Variants in MAGI2 observed in about 807,000 individuals in gnomAD.
The protein encoded by MAGI2 is membrane-associated guanylate kinase, WW and PDZ domain-containing protein 2.
MAGI2 carries 35 observed loss-of-function variants against 133.3 expected under a neutral mutation model. That is an observed-to-expected ratio of 0.26 (90% CI 0.20 to 0.35). MAGI2 has a LOEUF of 0.35. Ranked by LOEUF, MAGI2 falls within the 10% of genes least tolerant of loss-of-function variation. MAGI2 has a pLI of 1.00. For missense variants in MAGI2, 1,636 were observed against 1,863.4 expected (o/e 0.88, Z 2.25); for synonymous variants, 729 against 710.6 (o/e 1.03, Z -0.41).
intron 6 of MAGI2, among the ~76,000 whole-genome samples, chr7:78,467,355 C>G (rs544032715): frequency 1.3e-5 from 2 of 152,132 alleles, no homozygotes; most frequent in Admixed American, 1.3e-4. Context: ...CTGGTGAAAA[C>G]AGAGGCAAGG....
At chr7:79,423,946 C>T (rs999644103) in intron 1 of MAGI2, among the ~76,000 whole-genome samples, 2 of 152,086 alleles carry the variant, frequency 1.3e-5, no homozygotes, top group Admixed American at 1.3e-4. Context: ...GTTCATGTAA[C>T]TTTCACCATG....
Position 79,453,066 on chromosome 7 carries a change from C to T in MAGI2, c.255G>A (p.Val85=). Residue 85 remains valine, a synonymous_variant, in exon 1 of 22, where the codon GTG becomes GTA. Transcript: ENST00000354212. ...AGLTIRDVLA[V]IKHCKDPLRL... ...GGAGGGGGTCCTTGCAGTGTTTGATCACGGCCAGCACGTCCCTGATGGTGA... is the reference window on the plus strand; with the variant it reads ...GGAGGGGGTCCTTGCAGTGTTTGATTACGGCCAGCACGTCCCTGATGGTGA... 1 of 1,611,592 alleles carries T rather than the reference C, an allele frequency of 6.2e-7. No individual in the cohort carries two copies. Among genetic ancestry groups the T allele is most frequent in the Non-Finnish European group, 8.5e-7 (1 of 1,178,938 alleles).
At chr7:78,638,508 C>T (rs185183550) in intron 2 of MAGI2, among the ~76,000 whole-genome samples, 36 of 152,310 alleles carry the variant, frequency 2.4e-4, no homozygotes, top group Admixed American at 2.2e-3. Context: ...ATTCACAGTA[C>T]AGAATTATTC....
intron 2 of MAGI2, among the ~76,000 whole-genome samples, chr7:78,959,820 T>C (rs193203174): frequency 6.6e-6 from 1 of 152,270 alleles, no homozygotes; most frequent in African/African-American, 2.4e-5. Context: ...TCATGTATCA[T>C]GGGCACCGGC....
At chr7:78,407,662 T>C (rs1797510030) in intron 6 of MAGI2, among the ~76,000 whole-genome samples, 1 of 151,844 alleles carries the variant, frequency 6.6e-6, no homozygotes, top group African/African-American at 2.4e-5. Flanking sequence ...TACTTTTTTT[T>C]TTTTTTTAAA....
intron 1 of MAGI2, among the ~76,000 whole-genome samples, chr7:79,329,111 AACAT>A (rs1165851288): frequency 6.6e-6 from 1 of 152,220 alleles, no homozygotes; most frequent in Admixed American, 6.5e-5. Flanking sequence ...TTCTCCTTCC[AACAT>A]ACTACATAGT....
At chr7:78,633,796 T>TA (rs2150971095) in intron 2 of MAGI2, among the ~76,000 whole-genome samples, 2 of 152,100 alleles carry the variant, frequency 1.3e-5, no homozygotes, top group South Asian at 4.2e-4. Flanking sequence ...TGAGGACATC[T>TA]ACATTCCATT....
intron 5 of MAGI2, among the ~76,000 whole-genome samples, chr7:78,494,852 C>A (rs1263440031): frequency 6.6e-6 from 1 of 152,164 alleles, no homozygotes; most frequent in African/African-American, 2.4e-5. Context: ...AATTCTGAAT[C>A]TCAATCTTAA....
At chr7:79,017,574 C>T (rs1448632089) in intron 1 of MAGI2, among the ~76,000 whole-genome samples, 1 of 152,180 alleles carries the variant, frequency 6.6e-6, no homozygotes, top group Non-Finnish European at 1.5e-5. Flanking sequence ...GCAACAGTTC[C>T]TAACTAGGCT....
chr7:78,932,686 G>T (rs1014214766), intron 2 of MAGI2, among the ~76,000 whole-genome samples: 1 of 151,994 alleles, frequency 6.6e-6, no homozygotes, highest in African/African-American at 2.4e-5. Context: ...TAATAGGATG[G>T]CTGCAGAAAT....
At chr7:79,143,694 T>C (rs1822345787) in intron 1 of MAGI2, among the ~76,000 whole-genome samples, 1 of 152,196 alleles carries the variant, frequency 6.6e-6, no homozygotes. Flanking sequence ...AGAACAAATG[T>C]GAGCTTCTAT....
At chr7:78,240,893 CACAT>C (rs936138208) in intron 10 of MAGI2, among the ~76,000 whole-genome samples, 1 of 144,608 alleles carries the variant, frequency 6.9e-6, no homozygotes, top group Admixed American at 6.8e-5. Flanking sequence ...ACACAATAAA[CACAT>C]ATAATTTTAT....
chr7:78,097,340 C>T (rs552202254), intron 20 of MAGI2, among the ~76,000 whole-genome samples: 97 of 152,114 alleles, frequency 6.4e-4, no homozygotes, highest in African/African-American at 2.1e-3. Flanking sequence ...TATAAGTCAT[C>T]CTATAATAAA....
At chr7:78,705,014 T>A (rs1818488894) in intron 2 of MAGI2, among the ~76,000 whole-genome samples, 1 of 151,798 alleles carries the variant, frequency 6.6e-6, no homozygotes, top group Admixed American at 6.6e-5. Context: ...GGGTAGAGGG[T>A]GAGCGGAGGG....
In MAGI2 at chr7:79,367,875, A is replaced by ATATATATATATATATATATATATG. The variant is rs1342246318; in HGVS notation, c.301+85144_301+85145insCATATATATATATATATATATATA. 4.0e-4 allele frequency among the ~76,000 whole-genome samples: 49 copies of ATATATATATATATATATATATATG among 122,060 alleles called. 3 individuals carry two copies. The highest frequency in any genetic ancestry group is 9.6e-4 in the East Asian group (4 of 4,164). The allele number at this position is 122,060 out of a possible 152,430, so 80.1% of individuals were successfully genotyped here. A position where few individuals can be genotyped will look rare whatever the true frequency, so the allele number is the denominator to read the frequency against. On this transcript the variant is annotated intron_variant, in intron 1 of 21. Transcript: ENST00000354212. ...ATATGTGACATATATATATATATATATGTCATTGACTGGTCAGTCTTCTTC... is the reference window on the plus strand; with the variant it reads ...ATATGTGACATATATATATATATATATATATATATATATATATATATATGTGTCATTGACTGGTCAGTCTTCTTC...
At chr7:79,018,472 T>C (rs1285930319) in intron 1 of MAGI2, among the ~76,000 whole-genome samples, 2 of 152,122 alleles carry the variant, frequency 1.3e-5, no homozygotes, top group East Asian at 1.9e-4. Context: ...AGTGACACTA[T>C]AAAGCAACCA....
At chr7:78,574,963 A>C (rs1802114705) in intron 3 of MAGI2, among the ~76,000 whole-genome samples, 1 of 152,194 alleles carries the variant, frequency 6.6e-6, no homozygotes, top group Non-Finnish European at 1.5e-5. Flanking sequence ...CTACCATGTC[A>C]TCTCCCTAAC....
intron 1 of MAGI2, among the ~76,000 whole-genome samples, chr7:79,323,752 T>C (rs1269335324): frequency 1.3e-5 from 2 of 152,130 alleles, no homozygotes; most frequent in Admixed American, 1.3e-4. Context: ...CAAAAGCCAA[T>C]TGGTACAGTT....
At chr7:78,865,251 AG>A (rs1794463988) in intron 2 of MAGI2, among the ~76,000 whole-genome samples, 1 of 152,302 alleles carries the variant, frequency 6.6e-6, no homozygotes, top group South Asian at 2.1e-4. Context: ...ACAGAGTAGA[AG>A]AAAAGGACAA....
Sources: allele counts gnomAD v4.1 joint callset (sites outside exome capture counted in the v4.1 genomes callset), GRCh38; gene constraint gnomAD v4.1.1; transcripts MANE v1.5; gene names NCBI Gene and HGNC (gene_info 2026-07-23, HGNC 2026-07-21).